The following SPAG16 variants were observed in gnomAD, a reference collection of about 807,000 sequenced individuals.
The protein encoded by SPAG16 is sperm-associated antigen 16 protein.
Under a neutral mutation model 80.4 loss-of-function variants are expected in SPAG16, and 86 were observed. The observed-to-expected ratio is 1.07, with a 90% CI of 0.90 to 1.28. The LOEUF is 1.28. SPAG16 is among the 50% of genes most tolerant of loss of function. The pLI, the probability that SPAG16 is intolerant of heterozygous loss-of-function variation, is 0.00. For synonymous variants in SPAG16, 294 were observed against 265.9 expected (o/e 1.11, Z -1.03); for missense variants, 870 against 765.3 (o/e 1.14, Z -1.61).
intron 12 of SPAG16, 47 bp from the exon 13 acceptor site, chr2:214,013,904 A>T (rs759353299): frequency 3.0e-5 from 48 of 1,592,752 alleles, no homozygotes; most frequent in Non-Finnish European, 4.0e-5. Context: ...CATTGTATAG[A>T]CAGCATAGAT....
chr2:214,389,813 T>G (rs6743939), intron 15 of SPAG16, among the ~76,000 whole-genome samples: 52,704 of 152,074 alleles, frequency 0.35, 10,434 homozygotes, highest in East Asian at 0.47. Context: ...AAACTGCCAG[T>G]TATATTGCCT....
chr2:214,386,220 C>T (rs1574475176), intron 15 of SPAG16, among the ~76,000 whole-genome samples: 1 of 151,448 alleles, frequency 6.6e-6, no homozygotes, highest in East Asian at 2.0e-4. Flanking sequence ...ACAAAAAATA[C>T]AAAACTTAGC....
intron 9 of SPAG16, among the ~76,000 whole-genome samples, chr2:213,478,205 G>T (rs2073532658): frequency 6.6e-6 from 1 of 152,108 alleles, no homozygotes; most frequent in Non-Finnish European, 1.5e-5. Context: ...CCAGTCTTGG[G>T]TATTTCTTCA....
chr2:213,711,435 G>A (rs890685463), intron 10 of SPAG16, among the ~76,000 whole-genome samples: 1 of 151,398 alleles, frequency 6.6e-6, no homozygotes, highest in Non-Finnish European at 1.5e-5. Context: ...AACATCATTA[G>A]CATTTTATTA....
intron 9 of SPAG16, among the ~76,000 whole-genome samples, chr2:213,399,440 C>T (rs1243100817): frequency 6.6e-6 from 1 of 151,836 alleles, no homozygotes; most frequent in African/African-American, 2.4e-5. Context: ...CTGTTTTCTC[C>T]ATTAATATTT....
chr2:213,310,331 CA>C (rs2063132727), intron 4 of SPAG16, among the ~76,000 whole-genome samples, 154 bp downstream of exon 4: 1 of 20,820 alleles, frequency 4.8e-5, no homozygotes, highest in Admixed American at 5.8e-4. Flanking sequence ...CACACACACA[CA>C]CACACACACA....
At chr2:213,690,551 A>T (rs1225586056) in intron 10 of SPAG16, among the ~76,000 whole-genome samples, 1 of 152,194 alleles carries the variant, frequency 6.6e-6, no homozygotes, top group African/African-American at 2.4e-5. Flanking sequence ...TGTGTCTGTG[A>T]GGGACACATC....
intron 10 of SPAG16, among the ~76,000 whole-genome samples, chr2:213,787,207 T>C (rs576278546): frequency 4.9e-4 from 75 of 152,226 alleles, no homozygotes; most frequent in African/African-American, 1.7e-3. Context: ...CCTGCACACG[T>C]ACCCTGGAAC....
intron 10 of SPAG16, among the ~76,000 whole-genome samples, chr2:213,515,906 T>A (rs1389354722): frequency 1.3e-5 from 2 of 152,304 alleles, no homozygotes; most frequent in South Asian, 2.1e-4. Flanking sequence ...AGCCCTCCGG[T>A]GTGAAGTAGG....
chr2:214,150,076 A>G (rs1465800114), intron 15 of SPAG16, among the ~76,000 whole-genome samples: 1 of 152,136 alleles, frequency 6.6e-6, no homozygotes, highest in Non-Finnish European at 1.5e-5. Context: ...GTGGTAAATC[A>G]AAGTTGTGGC....
chr2:214,273,831 A>G (rs1174597610), intron 15 of SPAG16, among the ~76,000 whole-genome samples: 6 of 152,186 alleles, frequency 3.9e-5, no homozygotes, highest in Non-Finnish European at 4.4e-5. Context: ...AATTCTGTGA[A>G]GAAAGTCATT....
intron 12 of SPAG16, among the ~76,000 whole-genome samples, chr2:213,986,131 A>T (rs7597983): frequency 6.6e-6 from 1 of 151,820 alleles, no homozygotes; most frequent in African/African-American, 2.4e-5. Context: ...AGAGACTTTG[A>T]CTTTTCTAGG....
intron 10 of SPAG16, among the ~76,000 whole-genome samples, chr2:213,499,806 G>T (rs149633274): frequency 1.3e-5 from 2 of 152,056 alleles, no homozygotes; most frequent in African/African-American, 4.8e-5. Context: ...TTTTCAGCCT[G>T]CCTTATTCTC....
At chr2:213,865,550 G>GA (rs1055795614) in intron 11 of SPAG16, among the ~76,000 whole-genome samples, 14 of 149,688 alleles carry the variant, frequency 9.4e-5, no homozygotes, top group Admixed American at 8.6e-4. Flanking sequence ...AATTCAAATT[G>GA]AAAAAACAAT....
intron 15 of SPAG16, among the ~76,000 whole-genome samples, chr2:214,279,374 A>T (rs976738588): frequency 6.6e-6 from 1 of 152,164 alleles, no homozygotes; most frequent in Non-Finnish European, 1.5e-5. Context: ...GCATTTTTTT[A>T]AAATTGCAAA....
chr2:214,099,510 A>G (rs2052844766), intron 13 of SPAG16, among the ~76,000 whole-genome samples: 1 of 152,130 alleles, frequency 6.6e-6, no homozygotes, highest in South Asian at 2.1e-4. Flanking sequence ...ACTTCACTCA[A>G]ATATCACATT....
At chr2:213,831,034 C>CTTTTTTTTTTTTTTTT (rs34523016) in intron 10 of SPAG16, among the ~76,000 whole-genome samples, 2 of 80,800 alleles carry the variant, frequency 2.5e-5, no homozygotes, top group African/African-American at 4.5e-5. Context: ...TGAAACATGA[C>CTTTTTTTTTTTTTTTT]TTTTTTTTTT....
At chr2:214,288,023 C>T (rs1177460539) in intron 15 of SPAG16, among the ~76,000 whole-genome samples, 1 of 152,142 alleles carries the variant, frequency 6.6e-6, no homozygotes, top group Non-Finnish European at 1.5e-5. Flanking sequence ...ATTATTTCTT[C>T]TATTTAACTG....
At chr2:213,925,980 C>T (rs550723706) in intron 11 of SPAG16, among the ~76,000 whole-genome samples, 5 of 151,826 alleles carry the variant, frequency 3.3e-5, no homozygotes, top group Non-Finnish European at 5.9e-5. Flanking sequence ...TTATTGACAC[C>T]ACTGTTTATC....
Sources: gnomAD v4.1 joint callset for allele counts (sites outside exome capture counted in the v4.1 genomes callset) on GRCh38, gnomAD v4.1.1 for gene constraint, MANE v1.5 for transcripts, NCBI Gene and HGNC (gene_info 2026-07-23, HGNC 2026-07-21) for gene names.